The following GRID1 variants were observed in gnomAD, a reference collection of about 807,000 sequenced individuals.
GRID1 encodes glutamate receptor ionotropic, delta-1.
A neutral mutation model predicts 98.0 loss-of-function variants in GRID1; 28 were observed. The ratio of observed to expected loss-of-function variants is 0.29; its 90% CI spans 0.21 to 0.39. The LOEUF (loss-of-function observed/expected upper bound fraction) is 0.39. Ranked by LOEUF, GRID1 falls within the 10% of genes least tolerant of loss-of-function variation. The pLI, the probability that GRID1 is intolerant of heterozygous loss-of-function variation, is 1.00. For missense variants in GRID1, 1,111 were observed against 1,340.5 expected, an observed-to-expected ratio of 0.83 and a Z score of 2.67; for synonymous variants, 553 against 538.5, an observed-to-expected ratio of 1.03 and a Z score of -0.37.
chr10:85,902,197 C>T (rs927988097), intron 5 of GRID1, among the ~76,000 whole-genome samples: 1 of 152,168 alleles, frequency 6.6e-6, no homozygotes, highest in Admixed American at 6.5e-5. Flanking sequence ...TAGTACCAAA[C>T]CCTATATATA....
At chr10:85,930,459 TC>T (rs1841835536) in intron 4 of GRID1, among the ~76,000 whole-genome samples, 1 of 151,860 alleles carries the variant, frequency 6.6e-6, no homozygotes, top group South Asian at 2.1e-4. Flanking sequence ...AAATAAGCTT[TC>T]CATTTCCTTA....
chr10:85,693,164 C>T (rs1359897483), intron 12 of GRID1, among the ~76,000 whole-genome samples: 1 of 151,678 alleles, frequency 6.6e-6, no homozygotes, highest in Non-Finnish European at 1.5e-5. Flanking sequence ...AAGTAGTCAT[C>T]AAGACATAGA....
intron 5 of GRID1, among the ~76,000 whole-genome samples, chr10:85,882,146 G>A (rs992861168): frequency 1.3e-5 from 2 of 152,196 alleles, no homozygotes; most frequent in Admixed American, 6.5e-5. Context: ...AGGATGTGGA[G>A]AAATAGGAAC....
intron 8 of GRID1, among the ~76,000 whole-genome samples, chr10:85,740,415 A>G (rs1841929091): frequency 6.6e-6 from 1 of 152,182 alleles, no homozygotes; most frequent in Non-Finnish European, 1.5e-5. Flanking sequence ...TAATGACCCT[A>G]TGTACACTAT....
intron 2 of GRID1, among the ~76,000 whole-genome samples, chr10:86,267,663 G>A (rs748032992): frequency 6.6e-5 from 10 of 152,076 alleles, no homozygotes; most frequent in Non-Finnish European, 1.3e-4. Context: ...AGAACTCCAC[G>A]GCCATGGCTC....
intron 4 of GRID1, among the ~76,000 whole-genome samples, chr10:85,969,730 G>A (rs751741805): frequency 2.0e-5 from 3 of 152,070 alleles, no homozygotes; most frequent in South Asian, 2.1e-4. Context: ...AAACACCTAC[G>A]TTGAAAGAGA....
chr10:85,933,904 A>G (rs1159880729), intron 4 of GRID1, among the ~76,000 whole-genome samples: 3 of 152,232 alleles, frequency 2.0e-5, no homozygotes, highest in African/African-American at 7.2e-5. Context: ...ATACTGGCTC[A>G]CTTTGATCAA....
intron 4 of GRID1, among the ~76,000 whole-genome samples, chr10:86,132,657 A>G (rs140724730): frequency 1.6e-3 from 244 of 152,338 alleles, no homozygotes; most frequent in African/African-American, 5.5e-3. Flanking sequence ...AGTGAGAAAT[A>G]TTTGCATATA....
At chr10:85,921,710 G>T (rs889043190) in intron 4 of GRID1, among the ~76,000 whole-genome samples, 4 of 152,180 alleles carry the variant, frequency 2.6e-5, no homozygotes, top group Non-Finnish European at 5.9e-5. Context: ...GGTGAGGATT[G>T]GTTCTAATAT....
intron 4 of GRID1, among the ~76,000 whole-genome samples, chr10:85,926,469 G>A (rs1040767593): frequency 6.6e-6 from 1 of 152,144 alleles, no homozygotes; most frequent in Admixed American, 6.5e-5. Flanking sequence ...AAGCCCCCAA[G>A]CAGTTGGGTC....
intron 4 of GRID1, among the ~76,000 whole-genome samples, chr10:85,977,035 C>T (rs111829506): frequency 0.033 from 5,100 of 152,278 alleles, 122 homozygotes; most frequent in Non-Finnish European, 0.053. Flanking sequence ...CCCAGCTTCA[C>T]GGGAGAGGTG....
chr10:85,679,938 G>A (rs761018878), intron 12 of GRID1, among the ~76,000 whole-genome samples: 5 of 152,170 alleles, frequency 3.3e-5, no homozygotes, highest in Non-Finnish European at 7.3e-5. Context: ...GGGAGAGGTG[G>A]TGGCCAGTGA....
chr10:86,046,781 T>C (rs190487843), intron 4 of GRID1, among the ~76,000 whole-genome samples: 3 of 151,818 alleles, frequency 2.0e-5, no homozygotes, highest in Admixed American at 6.6e-5. Context: ...TCACAACTTT[T>C]GATCACTTAT....
At chr10:85,873,856 C>T (rs1387192505) in intron 5 of GRID1, among the ~76,000 whole-genome samples, 1 of 152,182 alleles carries the variant, frequency 6.6e-6, no homozygotes, top group Non-Finnish European at 1.5e-5. Context: ...TCTGGGTACC[C>T]CATTAGCTTT....
intron 12 of GRID1, among the ~76,000 whole-genome samples, chr10:85,713,233 T>C (rs1477719166): frequency 6.6e-6 from 1 of 151,550 alleles, no homozygotes; most frequent in Non-Finnish European, 1.5e-5. Context: ...AAGCAACCAA[T>C]ACCACAGAAA....
chr10:86,134,691 G>A (rs1253662081), intron 4 of GRID1, among the ~76,000 whole-genome samples: 1 of 152,072 alleles, frequency 6.6e-6, no homozygotes, highest in East Asian at 1.9e-4. Flanking sequence ...CCTGAATACA[G>A]TAGGGATCCC....
At chr10:85,702,160 C>A (rs1032506410) in intron 12 of GRID1, among the ~76,000 whole-genome samples, 17 of 151,988 alleles carry the variant, frequency 1.1e-4, no homozygotes, top group Non-Finnish European at 1.8e-4. Context: ...TAATTTACTA[C>A]AGCAAGGACT....
At chr10:85,864,878 G>A (rs143468367) in intron 6 of GRID1, among the ~76,000 whole-genome samples, 41 of 152,176 alleles carry the variant, frequency 2.7e-4, no homozygotes, top group Admixed American at 7.2e-4. Flanking sequence ...TCAGGGATCC[G>A]GCTCCACAGT....
At chr10:86,062,970 G>A (rs1843669385) in intron 4 of GRID1, among the ~76,000 whole-genome samples, 1 of 152,228 alleles carries the variant, frequency 6.6e-6, no homozygotes, top group African/African-American at 2.4e-5. Flanking sequence ...TCAGGGTGGT[G>A]GGTCCTACCC....
Sources: allele counts gnomAD v4.1 joint callset (sites outside exome capture counted in the v4.1 genomes callset), GRCh38; gene constraint gnomAD v4.1.1; transcripts MANE v1.5; gene names NCBI Gene and HGNC (gene_info 2026-07-23, HGNC 2026-07-21).